APBA1: variants seen among roughly 807,000 people sequenced by gnomAD.
The protein encoded by APBA1 is amyloid-beta A4 precursor protein-binding family A member 1.
In APBA1, 55 loss-of-function variants were observed where a neutral mutation model predicts 86.6. That is an observed-to-expected ratio of 0.64 (90% CI 0.51 to 0.80). The LOEUF is 0.80. Among genes scored for constraint, APBA1 ranks in the 30% least tolerant of loss-of-function variants. The pLI is 0.00. For synonymous variants in APBA1, 511 were observed against 493.9 expected, an observed-to-expected ratio of 1.03 and a Z score of -0.46; for missense variants, 1,090 against 1,183.0, an observed-to-expected ratio of 0.92 and a Z score of 1.15.
In APBA1 at chr9:69,599,900, G is replaced by A. The variant is rs1822313253; in HGVS notation, c.-70+72253C>T. 2.6e-5 allele frequency among the ~76,000 whole-genome samples: 4 copies of A among 152,262 alleles called. No homozygotes were observed. In the South Asian group the frequency reaches 8.3e-4, roughly 32 times the overall value. On this transcript the variant is annotated intron_variant, in intron 1 of 12. Transcript: ENST00000265381. ...AGGCCAAAGTAAGTTTCTTTCTGGG[G>A]CTTCATGCGTTTTTACAAGACTGAT...
intron 11 of APBA1, among the ~76,000 whole-genome samples, chr9:69,436,758 G>A (rs1472640364): frequency 2.8e-4 from 42 of 152,002 alleles, no homozygotes; most frequent in Non-Finnish European, 5.1e-4. Flanking sequence ...CTAATTGAAT[G>A]CCCTTTATTT....
chr9:69,551,283 G>A (rs1434392416), intron 1 of APBA1, among the ~76,000 whole-genome samples: 1 of 152,172 alleles, frequency 6.6e-6, no homozygotes, highest in Non-Finnish European at 1.5e-5. Context: ...GCTGGGCGCG[G>A]TGGCTCATGC....
intron 2 of APBA1, among the ~76,000 whole-genome samples, chr9:69,503,533 T>G (rs1835909402): frequency 2.0e-5 from 3 of 152,152 alleles, no homozygotes; most frequent in African/African-American, 7.2e-5. Context: ...ATTCAGTGCT[T>G]GTGTTCTGAA....
At chr9:69,571,284 G>A (rs1156305564) in intron 1 of APBA1, among the ~76,000 whole-genome samples, 2 of 152,050 alleles carry the variant, frequency 1.3e-5, no homozygotes, top group East Asian at 3.9e-4. Context: ...TCTGTTTCCT[G>A]TGCCAGTTCT....
chr9:69,620,270 A>AT (rs1282524263), intron 1 of APBA1, among the ~76,000 whole-genome samples: 1 of 152,208 alleles, frequency 6.6e-6, no homozygotes, highest in Non-Finnish European at 1.5e-5. Flanking sequence ...GCAAATTGGT[A>AT]TTACCAGTCT....
intron 2 of APBA1, among the ~76,000 whole-genome samples, chr9:69,491,921 C>T (rs1175726512): frequency 6.6e-6 from 1 of 151,854 alleles, no homozygotes; most frequent in African/African-American, 2.4e-5. Context: ...TCCACCACCA[C>T]ACCCAGCCAA....
chr9:69,666,439 G>A (rs917186457), intron 1 of APBA1, among the ~76,000 whole-genome samples: 2 of 148,770 alleles, frequency 1.3e-5, no homozygotes, highest in African/African-American at 2.5e-5. Flanking sequence ...TTTATTCTTC[G>A]TCATAGCACT....
intron 1 of APBA1, among the ~76,000 whole-genome samples, chr9:69,535,711 C>T (rs574293130): frequency 5.3e-5 from 8 of 152,164 alleles, no homozygotes; most frequent in African/African-American, 1.9e-4. Flanking sequence ...GTTGTATGCT[C>T]TGTTCTATTT....
chr9:69,522,540 G>A (rs948609317), intron 1 of APBA1, among the ~76,000 whole-genome samples: 1 of 152,198 alleles, frequency 6.6e-6, no homozygotes, highest in Non-Finnish European at 1.5e-5. Flanking sequence ...ACCAGTCACT[G>A]TGCAAGGCAA....
At chr9:69,445,809 G>A (rs1233620311) in intron 10 of APBA1, among the ~76,000 whole-genome samples, 1 of 152,178 alleles carries the variant, frequency 6.6e-6, no homozygotes, top group Non-Finnish European at 1.5e-5. Flanking sequence ...AACCAGTATT[G>A]AAGTGGCCAG....
intron 1 of APBA1, among the ~76,000 whole-genome samples, chr9:69,520,052 C>T (rs182653900): frequency 2.6e-5 from 4 of 152,280 alleles, no homozygotes; most frequent in Admixed American, 6.5e-5. Flanking sequence ...TTTACACATA[C>T]AGTGTTTGTA....
chr9:69,446,369 A>G (rs1253681434), intron 10 of APBA1, among the ~76,000 whole-genome samples: 25 of 152,050 alleles, frequency 1.6e-4, no homozygotes, highest in Admixed American at 1.6e-3. Flanking sequence ...CCTGCTAAGT[A>G]CTTCTTCACT....
chr9:69,658,883 A>C (rs1339411026), intron 1 of APBA1, among the ~76,000 whole-genome samples: 2 of 152,110 alleles, frequency 1.3e-5, no homozygotes, highest in Non-Finnish European at 2.9e-5. Context: ...AGTATGAAAC[A>C]CCAACCCCAT....
intron 1 of APBA1, among the ~76,000 whole-genome samples, chr9:69,556,889 A>C (rs1836869495): frequency 6.6e-6 from 1 of 152,154 alleles, no homozygotes; most frequent in Admixed American, 6.5e-5. Context: ...TCAAGCTTGA[A>C]GGAGGTTACC....
intron 1 of APBA1, among the ~76,000 whole-genome samples, chr9:69,580,591 G>C (rs1262319526): frequency 1.3e-5 from 2 of 152,254 alleles, no homozygotes; most frequent in Non-Finnish European, 2.9e-5. Flanking sequence ...TCCTCATGGT[G>C]GTATGACATT....
At chr9:69,500,891 T>C (rs1835871103) in intron 2 of APBA1, among the ~76,000 whole-genome samples, 1 of 152,110 alleles carries the variant, frequency 6.6e-6, no homozygotes, top group Non-Finnish European at 1.5e-5. Flanking sequence ...TAAAGACATT[T>C]AGCATTTTTC....
chr9:69,565,822 T>C (rs576093034), intron 1 of APBA1, among the ~76,000 whole-genome samples: 2 of 152,360 alleles, frequency 1.3e-5, no homozygotes, highest in South Asian at 4.1e-4. Context: ...CTTTGCTTTT[T>C]TCTCAGAATA....
At chr9:69,541,547 A>ATTTTTTTTTT (rs11461593) in intron 1 of APBA1, among the ~76,000 whole-genome samples, 1 of 142,100 alleles carries the variant, frequency 7.0e-6, no homozygotes. Flanking sequence ...TCTTTTTTGC[A>ATTTTTTTTTT]TTTTTTTTTT....
chr9:69,644,217 G>A (rs761600180), intron 1 of APBA1, among the ~76,000 whole-genome samples: 1 of 152,122 alleles, frequency 6.6e-6, no homozygotes, highest in African/African-American at 2.4e-5. Flanking sequence ...CTTCTCTACT[G>A]TATCACCAGA....
Sources: allele counts gnomAD v4.1 joint callset (sites outside exome capture counted in the v4.1 genomes callset), GRCh38; gene constraint gnomAD v4.1.1; transcripts MANE v1.5; gene names NCBI Gene and HGNC (gene_info 2026-07-23, HGNC 2026-07-21).